Variants in AK5 observed in about 807,000 individuals in gnomAD.
AK5 encodes the protein adenylate kinase 5, also known as adenylate kinase isoenzyme 5.
AK5 carries 27 observed loss-of-function variants against 69.5 expected under a neutral mutation model. The ratio of observed to expected loss-of-function variants is 0.39; its 90% CI spans 0.29 to 0.54. AK5 has a LOEUF of 0.54. Among genes scored for constraint, AK5 ranks in the 20% least tolerant of loss-of-function variants. AK5 has a pLI of 0.71. For synonymous variants in AK5, 260 were observed against 244.4 expected (o/e 1.06, Z -0.60); for missense variants, 531 against 700.4 (o/e 0.76, Z 2.73).
chr1:77,328,932 G>A (rs151117870), intron 5 of AK5, among the ~76,000 whole-genome samples: 16 of 152,248 alleles, frequency 1.1e-4, no homozygotes, highest in South Asian at 4.1e-4. Context: ...TGTTGCCAGC[G>A]TCTGGCAAGA....
intron 13 of AK5, among the ~76,000 whole-genome samples, chr1:77,546,688 C>T (rs759140570): frequency 1.3e-5 from 2 of 152,078 alleles, no homozygotes; most frequent in Non-Finnish European, 1.5e-5. Context: ...CCAGCCTGAG[C>T]GACAGTGTGA....
chr1:77,290,968 C>G (rs1658654422), intron 2 of AK5, among the ~76,000 whole-genome samples: 1 of 152,144 alleles, frequency 6.6e-6, no homozygotes. Context: ...TAACAAAGGG[C>G]TGAATCTAAC....
intron 8 of AK5, among the ~76,000 whole-genome samples, chr1:77,459,633 A>G (rs1653706116): frequency 6.6e-6 from 1 of 152,210 alleles, no homozygotes; most frequent in Non-Finnish European, 1.5e-5. Flanking sequence ...GGTAATGCCG[A>G]TGGTCCAGGG....
chr1:77,533,609 G>C (rs1191770781), intron 12 of AK5, among the ~76,000 whole-genome samples: 1 of 151,346 alleles, frequency 6.6e-6, no homozygotes, highest in Non-Finnish European at 1.5e-5. Context: ...ATGACATGCT[G>C]CTGGTCCGTG....
Position 77,484,277 on chromosome 1 carries a change from A to G in AK5, c.1102+918A>G, listed in dbSNP as rs546351688. Among the ~76,000 whole-genome samples the G allele has an allele frequency of 3.9e-5, 6 of 152,376 alleles. No individual in the cohort carries two copies. In the South Asian group the frequency reaches 1.2e-3, roughly 32 times the overall value. ...GGACTATCCAAAAAAGAAAAGGTTCATAATTGTCCTAAGTAAAAATACCTT... is the reference window on the plus strand; with the variant it reads ...GGACTATCCAAAAAAGAAAAGGTTCGTAATTGTCCTAAGTAAAAATACCTT... On this transcript the variant is annotated intron_variant, in intron 9 of 13. Coordinates refer to ENST00000354567, the MANE Select transcript of AK5 (RefSeq NM_174858.3).
chr1:77,479,196 C>CTTT (rs67079216), intron 8 of AK5, among the ~76,000 whole-genome samples: 22 of 71,916 alleles, frequency 3.1e-4, no homozygotes, highest in African/African-American at 7.6e-4. Flanking sequence ...CTGAAATTGT[C>CTTT]TTTTTTTTTT....
intron 5 of AK5, among the ~76,000 whole-genome samples, chr1:77,310,906 A>G (rs887405574): frequency 6.6e-6 from 1 of 151,846 alleles, no homozygotes; most frequent in Non-Finnish European, 1.5e-5. Context: ...AGGTTTTATA[A>G]TTTTTCATAT....
intron 6 of AK5, among the ~76,000 whole-genome samples, chr1:77,379,322 T>C (rs977155645): frequency 2.6e-5 from 4 of 152,214 alleles, no homozygotes; most frequent in African/African-American, 9.6e-5. Flanking sequence ...TTAATCATCA[T>C]CATTATCGCA....
At chr1:77,496,689 C>A (rs1413546027) in intron 10 of AK5, among the ~76,000 whole-genome samples, 1 of 152,132 alleles carries the variant, frequency 6.6e-6, no homozygotes, top group Non-Finnish European at 1.5e-5. Context: ...GCCAGCTGGG[C>A]TTCTGGGTTG....
chr1:77,326,507 G>T (rs562738842), intron 5 of AK5, among the ~76,000 whole-genome samples: 9 of 151,470 alleles, frequency 5.9e-5, no homozygotes, highest in African/African-American at 1.7e-4. Context: ...ATGACATTTT[G>T]TGTCAAGTTT....
intron 6 of AK5, among the ~76,000 whole-genome samples, chr1:77,402,471 G>T (rs1254805156): frequency 1.5e-5 from 2 of 132,148 alleles, no homozygotes; most frequent in Non-Finnish European, 3.1e-5. Flanking sequence ...ACAGTCCCCG[G>T]TGTGTGATGT....
intron 5 of AK5, among the ~76,000 whole-genome samples, chr1:77,324,127 A>G (rs927311573): frequency 3.3e-5 from 5 of 152,208 alleles, no homozygotes; most frequent in African/African-American, 9.6e-5. Flanking sequence ...AGCCTTGGCA[A>G]TCTACCCATT....
chr1:77,309,235 C>G (rs1659810724), intron 5 of AK5, among the ~76,000 whole-genome samples: 1 of 151,722 alleles, frequency 6.6e-6, no homozygotes, highest in Admixed American at 6.6e-5. Flanking sequence ...TGTCCTGGAA[C>G]TTAAAATAAA....
chr1:77,411,512 C>G (rs1402952397), intron 7 of AK5, among the ~76,000 whole-genome samples: 2 of 152,160 alleles, frequency 1.3e-5, no homozygotes, highest in East Asian at 3.8e-4. Context: ...CCTACCTCTT[C>G]TCTTCCTAAG....
At chr1:77,470,757 C>T (rs1048996446) in intron 8 of AK5, among the ~76,000 whole-genome samples, 3 of 146,360 alleles carry the variant, frequency 2.0e-5, no homozygotes, top group African/African-American at 7.6e-5. Context: ...CTTATGAGCA[C>T]AAACACAACC....
chr1:77,552,501 A>G lies in AK5; in HGVS notation c.1621-6101A>G, dbSNP rs575498788. Among the ~76,000 whole-genome samples the G allele has an allele frequency of 5.9e-5, 9 of 152,296 alleles. No homozygotes were observed. The East Asian group carries it at 1.7e-3, about 29-fold the overall frequency. On this transcript the variant is annotated intron_variant, in intron 13 of 13. Coordinates refer to ENST00000354567, the MANE Select transcript of AK5 (RefSeq NM_174858.3). ...AATGTTGCAGTGAATTGCAACAAGT[A>G]AATGGCCACTGTGATAGTCAGTGGG... is the stretch of plus-strand genomic sequence containing the variant.
At chr1:77,323,675 G>GC (rs1276970502) in intron 5 of AK5, among the ~76,000 whole-genome samples, 1 of 152,132 alleles carries the variant, frequency 6.6e-6, no homozygotes, top group Non-Finnish European at 1.5e-5. Flanking sequence ...TTAATAATAA[G>GC]CCTTTTGGAA....
chr1:77,520,330 A>G (rs528327726), intron 11 of AK5, among the ~76,000 whole-genome samples: 3 of 152,324 alleles, frequency 2.0e-5, no homozygotes, highest in Admixed American at 2.0e-4. Flanking sequence ...TGACACAGCC[A>G]GAATGATTTC....
Position 77,282,342 on chromosome 1 carries a change from T to A in AK5, c.29T>A (p.Leu10Gln). 1 of 1,561,408 alleles carries A rather than the reference T, an allele frequency of 6.4e-7. No homozygotes were observed. Among genetic ancestry groups the A allele is most frequent in the African/African-American group, 1.4e-5 (1 of 73,722 alleles). The stretch of plus-strand genomic sequence containing the variant: ...AACACCAACGATGCCAAGGAGTATC[T>A]GGCCCGGAGGGAAATCCCTCAGCTT... MNTNDAKEY[L>Q]ARREIPQLFE... is the part of the protein sequence containing the mutation. The change falls in exon 1 of 14, where the codon CTG becomes CAG. Residue 10 changes from leucine (L) to glutamine (Q), a missense_variant. Transcript: ENST00000354567.
Sources: gnomAD v4.1 joint callset for allele counts (sites outside exome capture counted in the v4.1 genomes callset) on GRCh38, gnomAD v4.1.1 for gene constraint, MANE v1.5 for transcripts, NCBI Gene and HGNC (gene_info 2026-07-23, HGNC 2026-07-21) for gene names.